The following DENND3 variants were observed in gnomAD, a reference collection of about 807,000 sequenced individuals.
DENND3 encodes DENN domain containing 3.
Under a neutral mutation model 135.1 loss-of-function variants are expected in DENND3, and 88 were observed. The ratio of observed to expected loss-of-function variants is 0.65; its 90% CI spans 0.55 to 0.78. The LOEUF is 0.78. Ranked by LOEUF, DENND3 falls within the 30% of genes least tolerant of loss-of-function variation. The pLI is 0.00. For missense variants in DENND3, 1,392 were observed against 1,688.4 expected, an observed-to-expected ratio of 0.82 and a Z score of 3.08; for synonymous variants, 693 against 712.3, an observed-to-expected ratio of 0.97 and a Z score of 0.43.
intron 7 of DENND3, 144 bp downstream of exon 7, chr8:141,151,981 CT>C: frequency 1.0e-6 from 1 of 1,004,726 alleles, no homozygotes; most frequent in Non-Finnish European, 1.5e-6. Flanking sequence ...TGAGAAGTGG[CT>C]GTTCACTCAC....
chr8:141,178,971 C>CA (rs1822750562), intron 16 of DENND3, among the ~76,000 whole-genome samples: 1 of 152,244 alleles, frequency 6.6e-6, no homozygotes, highest in Non-Finnish European at 1.5e-5. Context: ...TGTGAGCATT[C>CA]ATGTGTAAGC....
At position 141,167,681 on chromosome 8, in the gene DENND3, G is replaced by T. The variant is rs1016753022; in HGVS notation, c.1754-323G>T. 1.3e-5 allele frequency among the ~76,000 whole-genome samples: 2 copies of T among 152,202 alleles called. No individual in the cohort carries two copies. The highest frequency in any genetic ancestry group is 2.9e-5 in the Non-Finnish European group (2 of 68,032). The stretch of plus-strand genomic sequence containing the variant: ...TAAAGGGCTTCATCCTGCCTAGCAG[G>T]TACATCTTGGCTTAGGCTATTAGCT... On this transcript the variant is annotated intron_variant, in intron 12 of 22. Coordinates refer to ENST00000519811, the MANE Select transcript of DENND3 (RefSeq NM_001352890.3). This position sits in a 1 kb window ranked among gnomAD's most constrained non-coding sequence, Gnocchi z 4.1.
chr8:141,170,590 A>G (rs944362308), intron 13 of DENND3, among the ~76,000 whole-genome samples: 42 of 152,166 alleles, frequency 2.8e-4, no homozygotes, highest in Non-Finnish European at 2.6e-4. Flanking sequence ...GTGAGCTCAG[A>G]TGCTCTGTGG....
At chr8:141,158,166 G>A (rs1415109670) in intron 8 of DENND3, 19 of 1,289,598 alleles carry the variant, frequency 1.5e-5, no homozygotes, top group Middle Eastern at 2.1e-4. Flanking sequence ...TGCTTGGGCT[G>A]TGGAATCGCT....
Position 141,168,318 on chromosome 8 carries a change from G to A in DENND3, c.2068G>A (p.Gly690Arg), listed in dbSNP as rs780903540. ...VESMSAPEWE[G>R]AEQAPELMRL... ...ATCCATGTCTGCCCCTGAGTGGGAGGGGGCTGAGCAGGCGCCGGAGCTGAT... is the reference window on the plus strand; with the variant it reads ...ATCCATGTCTGCCCCTGAGTGGGAGAGGGCTGAGCAGGCGCCGGAGCTGAT... Residue 690 changes from glycine (G) to arginine (R), a missense_variant, in exon 13 of 23, where the codon GGG (glycine) becomes AGG (arginine). Physicochemically the swap from Gly to Arg is moderately radical, Grantham distance 125 (BLOSUM62 -2). Coordinates refer to ENST00000519811, the MANE Select transcript of DENND3 (RefSeq NM_001352890.3). The surrounding 1 kb of genome is among the most constrained non-coding windows in gnomAD (Gnocchi z 6.2). 20 of 1,613,934 alleles carry A rather than the reference G, an allele frequency of 1.2e-5. No individual in the cohort carries two copies. In the South Asian group the frequency reaches 2.0e-4, roughly 16 times the overall value.
intron 20 of DENND3, among the ~76,000 whole-genome samples, chr8:141,190,777 C>G (rs1316660090): frequency 6.6e-6 from 1 of 152,222 alleles, no homozygotes; most frequent in Non-Finnish European, 1.5e-5. Context: ...CCTCTGTGTG[C>G]GTCACGTCTC....
Position 141,128,640 on chromosome 8 carries a change from A to G in DENND3, c.-68A>G, listed in dbSNP as rs935092369. ...CCCCCAGGCGGCGCGGCTGGTCCCC[A>G]GGGGTCTGCGGGCGACTGCGCGGCT... On this transcript the variant is annotated 5_prime_UTR_variant, in exon 1 of 23. Coordinates refer to ENST00000519811, the MANE Select transcript of DENND3 (RefSeq NM_001352890.3). This position sits in a 1 kb window ranked among gnomAD's most constrained non-coding sequence, Gnocchi z 4.5. 9 of 1,049,254 alleles carry G rather than the reference A, an allele frequency of 8.6e-6. No individual in the cohort carries two copies. The highest frequency in any genetic ancestry group is 1.1e-5 in the Non-Finnish European group (9 of 819,878). 65.0% of individuals were successfully genotyped at this position (1,049,254 alleles called of 1,614,324 possible).
At chr8:141,193,767 G>A (rs1825084555) in intron 22 of DENND3, 2 of 547,218 alleles carry the variant, frequency 3.7e-6, no homozygotes, top group Non-Finnish European at 6.6e-6. Flanking sequence ...GCTGTTGTTT[G>A]GTGAGAACAC....
intron 8 of DENND3, chr8:141,157,903 G>A: frequency 2.3e-6 from 2 of 851,174 alleles, no homozygotes; most frequent in South Asian, 6.4e-5. Flanking sequence ...GGGATTACAG[G>A]CATCTGTGAC....
intron 17 of DENND3, among the ~76,000 whole-genome samples, chr8:141,183,737 T>G (rs1454770637): frequency 2.6e-5 from 3 of 116,754 alleles, no homozygotes; most frequent in Admixed American, 7.7e-5. Context: ...TTTTGTTTTG[T>G]TTTTTTTTTT....
chr8:141,134,013 G>A (rs1332424968), intron 1 of DENND3, among the ~76,000 whole-genome samples: 5 of 152,042 alleles, frequency 3.3e-5, no homozygotes, highest in African/African-American at 4.8e-5. Flanking sequence ...CCTGTGAGCA[G>A]GACTGAGAAG....
intron 22 of DENND3, chr8:141,193,792 A>G: frequency 1.7e-6 from 1 of 581,196 alleles, no homozygotes. Context: ...GATGCACCCC[A>G]GCACTTTTCC....
chr8:141,175,286 C>G lies in DENND3; in HGVS notation c.2362C>G (p.Leu788Val), dbSNP rs142301665. 2,253 of 1,614,234 alleles carry G rather than the reference C, an allele frequency of 1.4e-3. 44 individuals carry two copies. In the East Asian group the frequency reaches 0.037, roughly 26 times the overall value. The change falls in exon 14 of 23, where the codon CTG (leucine) becomes GTG (valine). Residue 788 changes from leucine to valine, a missense_variant. Physicochemically the swap from Leu to Val is conservative, Grantham distance 32. Transcript: ENST00000519811. This position sits in a 1 kb window ranked among gnomAD's most constrained non-coding sequence, Gnocchi z 5.4. ...GGAAGCAGAAGCCCAGGAGGTCAGT[C>G]TGCCGTGGCTGGTGATGGAACACCT... is the stretch of plus-strand genomic sequence containing the variant. ...ETEAEAQEVSLPWLVMEHLDK... is the reference protein window; with the variant it reads ...ETEAEAQEVSVPWLVMEHLDK...
At chr8:141,136,954 T>C (rs1278469848) in intron 2 of DENND3, among the ~76,000 whole-genome samples, 163 bp downstream of exon 2, 2 of 152,130 alleles carry the variant, frequency 1.3e-5, no homozygotes, top group Non-Finnish European at 2.9e-5. Flanking sequence ...TCTTGGGGAT[T>C]TTTTTAATTT....
chr8:141,164,337 T>C (rs1038962972), intron 10 of DENND3, among the ~76,000 whole-genome samples: 22 of 152,268 alleles, frequency 1.4e-4, no homozygotes, highest in African/African-American at 4.6e-4. Context: ...AATAATCACC[T>C]TGGGGGCTTT....
Position 141,166,223 on chromosome 8 carries a change from G to A in DENND3, c.1587G>A (p.Pro529=), listed in dbSNP as rs764484696. ...GAATGCTTCTAAGTCCAAGGAGACC[G>A]ACCGTTGAGAAAAGAGCCTCCCGGA... is the stretch of plus-strand genomic sequence containing the variant. ...INGMLLSPRR[P]TVEKRASRKS... Residue 529 remains proline (P), a synonymous_variant, in exon 12 of 23, where the codon CCG becomes CCA. Coordinates refer to ENST00000519811, the MANE Select transcript of DENND3 (RefSeq NM_001352890.3). This position sits in a 1 kb window ranked among gnomAD's most constrained non-coding sequence, Gnocchi z 4.3. 2 of 1,614,152 alleles carry A rather than the reference G, an allele frequency of 1.2e-6. No individual in the cohort carries two copies. Among genetic ancestry groups the A allele is most frequent in the East Asian group, 2.2e-5 (1 of 44,882 alleles).
intron 8 of DENND3, among the ~76,000 whole-genome samples, chr8:141,160,016 C>A (rs999371633): frequency 3.3e-5 from 5 of 152,150 alleles, no homozygotes; most frequent in African/African-American, 1.2e-4. Context: ...CAAGAGGCAG[C>A]CTGACCTGGA....
rs1486708992 is a variant in DENND3 at position 141,175,098 on chromosome 8, G to C, written c.2276-102G>C. The C allele has an allele frequency of 2.9e-6, 4 of 1,402,532 alleles. No homozygotes were observed. The East Asian group carries it at 6.9e-5, about 24-fold the overall frequency. 86.9% of individuals were successfully genotyped at this position (1,402,532 alleles called of 1,614,324 possible). ...CTGAGTGCTGGCGCCACCTGCTGCCGGGTTCCGGTAGTGTGCGGTTTCTTC... is the reference window on the plus strand; with the variant it reads ...CTGAGTGCTGGCGCCACCTGCTGCCCGGTTCCGGTAGTGTGCGGTTTCTTC... On this transcript the variant is annotated intron_variant, in intron 13 of 22. Coordinates refer to ENST00000519811, the MANE Select transcript of DENND3 (RefSeq NM_001352890.3). This position sits in a 1 kb window ranked among gnomAD's most constrained non-coding sequence, Gnocchi z 5.4.
At chr8:141,169,317 T>C (rs1821203163) in intron 13 of DENND3, among the ~76,000 whole-genome samples, 1 of 152,230 alleles carries the variant, frequency 6.6e-6, no homozygotes, top group African/African-American at 2.4e-5. Context: ...CCTTAGGCAA[T>C]GTGCCTGTCC....
Sources: allele counts gnomAD v4.1 joint callset (sites outside exome capture counted in the v4.1 genomes callset), GRCh38; gene constraint gnomAD v4.1.1; non-coding constraint Gnocchi (gnomAD v3.1); transcripts MANE v1.5; gene names NCBI Gene and HGNC (gene_info 2026-07-23, HGNC 2026-07-21).